Variants in CEP135 observed in about 807,000 individuals in gnomAD.
The protein encoded by CEP135 is centrosomal protein of 135 kDa.
A neutral mutation model predicts 157.3 loss-of-function variants in CEP135; 142 were observed. That is an observed-to-expected ratio of 0.90 (90% CI 0.79 to 1.04). CEP135 has a LOEUF of 1.04. Ranked by LOEUF, CEP135 falls within the 50% of genes least tolerant of loss-of-function variation. CEP135 has a pLI of 0.00. For missense variants in CEP135, 1,317 were observed against 1,309.2 expected (o/e 1.01, Z -0.09); for synonymous variants, 396 against 439.8 (o/e 0.90, Z 1.25).
intron 17 of CEP135, among the ~76,000 whole-genome samples, chr4:56,004,429 T>C (rs945461748): frequency 3.3e-5 from 5 of 152,234 alleles, no homozygotes; most frequent in Non-Finnish European, 7.3e-5. Flanking sequence ...CATATTTGTC[T>C]AGTGTATAGA....
intron 19 of CEP135, among the ~76,000 whole-genome samples, chr4:56,010,317 G>A (rs1252781773): frequency 4.0e-5 from 6 of 148,848 alleles, no homozygotes; most frequent in African/African-American, 1.2e-4. Context: ...AGCCGAGATC[G>A]TGCCACTGCA....
At chr4:55,995,460 A>G (rs961948402) in intron 15 of CEP135, among the ~76,000 whole-genome samples, 2 of 152,156 alleles carry the variant, frequency 1.3e-5, no homozygotes, top group African/African-American at 4.8e-5. Context: ...CTGTGACTGT[A>G]TTATCTCGCT....
At chr4:55,961,317 C>G (rs1408669670) in intron 6 of CEP135, among the ~76,000 whole-genome samples, 2 of 152,078 alleles carry the variant, frequency 1.3e-5, no homozygotes, top group Non-Finnish European at 2.9e-5. Context: ...AGCTTGACTA[C>G]TCTGATTAAA....
At position 56,011,159 on chromosome 4, in the gene CEP135, C is replaced by CA. The variant is rs1322995737; in HGVS notation, c.2506-252dup. ...CTGAAGTGGAAGGATTGCTTGAGCCCAGAAGGTCGAGGCTGCAGTGAGCTG... is the reference window on the plus strand; with the variant it reads ...CTGAAGTGGAAGGATTGCTTGAGCCCAAGAAGGTCGAGGCTGCAGTGAGCTG... On this transcript the variant is annotated intron_variant, in intron 19 of 25. Transcript: ENST00000257287. Among the ~76,000 whole-genome samples, 10 of 152,214 alleles carry CA rather than the reference C, an allele frequency of 6.6e-5. No individual in the cohort carries two copies. The East Asian group carries it at 1.4e-3, about 21-fold the overall frequency.
At chr4:55,968,598 G>A (rs977699768) in intron 8 of CEP135, among the ~76,000 whole-genome samples, 2 of 152,098 alleles carry the variant, frequency 1.3e-5, no homozygotes, top group African/African-American at 4.8e-5. Context: ...GCTAAACACA[G>A]CTTCCCATGT....
At chr4:55,977,969 C>G (rs1729276971) in intron 11 of CEP135, among the ~76,000 whole-genome samples, 1 of 152,170 alleles carries the variant, frequency 6.6e-6, no homozygotes, top group Non-Finnish European at 1.5e-5. Flanking sequence ...GCATAGAATA[C>G]AGAGATGAAG....
In CEP135 at chr4:55,959,667, T is replaced by G. The variant is rs746576951; in HGVS notation, c.615-15T>G. The G allele has an allele frequency of 6.7e-5, 107 of 1,608,952 alleles. No individual in the cohort carries two copies. Among genetic ancestry groups the G allele is most frequent in the Non-Finnish European group, 9.0e-5 (106 of 1,175,550 alleles). The stretch of plus-strand genomic sequence containing the variant: ...TAACAAAAGTGTATTGGCATTAATT[T>G]AAAGTGCTTTTCAGGATTCAAGAAC... On this transcript the variant is annotated splice_polypyrimidine_tract_variant and intron_variant, in intron 5 of 25. Coordinates refer to ENST00000257287, the MANE Select transcript of CEP135 (RefSeq NM_025009.5).
At chr4:56,010,558 G>A (rs552490721) in intron 19 of CEP135, among the ~76,000 whole-genome samples, 1 of 152,124 alleles carries the variant, frequency 6.6e-6, no homozygotes, top group South Asian at 2.1e-4. Flanking sequence ...CCTACCGGGC[G>A]AGGACATCAG....
chr4:55,998,426 C>T (rs189976973), intron 15 of CEP135, among the ~76,000 whole-genome samples: 8 of 152,282 alleles, frequency 5.3e-5, no homozygotes, highest in Admixed American at 1.3e-4. Flanking sequence ...TCATCTTTGT[C>T]GTTAACCATG....
chr4:56,016,351 CTAA>C (rs1191176222), intron 21 of CEP135, among the ~76,000 whole-genome samples: 6 of 152,090 alleles, frequency 3.9e-5, no homozygotes, highest in African/African-American at 1.4e-4. Context: ...CCCTAGGGAA[CTAA>C]TACACTATCT....
intron 17 of CEP135, among the ~76,000 whole-genome samples, chr4:56,002,024 G>C (rs890039030): frequency 3.3e-5 from 5 of 151,912 alleles, no homozygotes; most frequent in Non-Finnish European, 7.4e-5. Context: ...AAATGGAATT[G>C]TTTTGTTGAT....
intron 17 of CEP135, among the ~76,000 whole-genome samples, chr4:56,002,176 A>G (rs13138432): frequency 0.099 from 15,006 of 152,132 alleles, 1,139 homozygotes; most frequent in East Asian, 0.28. Context: ...ATACAAGATC[A>G]TGTGGTCTGC....
chr4:55,975,063 G>C, intron 11 of CEP135, 94 bp downstream of exon 11: 2 of 912,384 alleles, frequency 2.2e-6, no homozygotes, highest in Non-Finnish European at 1.6e-6. Flanking sequence ...ATTCGTACTT[G>C]CTTTGAAAAA....
At chr4:56,012,611 C>T (rs977291706) in intron 21 of CEP135, among the ~76,000 whole-genome samples, 2 of 152,108 alleles carry the variant, frequency 1.3e-5, no homozygotes, top group African/African-American at 2.4e-5. Context: ...CTCTAGATAC[C>T]TCATATAGTG....
intron 10 of CEP135, among the ~76,000 whole-genome samples, chr4:55,973,712 G>A (rs540851797): frequency 2.6e-5 from 4 of 152,090 alleles, no homozygotes; most frequent in South Asian, 2.1e-4. Context: ...GCAGCCACTC[G>A]TTTCTTCTCT....
chr4:56,025,867 A>G (rs1361314505), intron 25 of CEP135, among the ~76,000 whole-genome samples: 3 of 151,934 alleles, frequency 2.0e-5, no homozygotes, highest in Non-Finnish European at 4.4e-5. Context: ...AATTTTTTCA[A>G]TGAACAAATT....
intron 15 of CEP135, among the ~76,000 whole-genome samples, chr4:55,992,472 C>A (rs1322178873): frequency 6.6e-6 from 1 of 152,102 alleles, no homozygotes; most frequent in African/African-American, 2.4e-5. Flanking sequence ...CTCTTTCTTG[C>A]CTCTTTCAGT....
At chr4:56,015,498 G>A (rs1264728023) in intron 21 of CEP135, among the ~76,000 whole-genome samples, 2 of 152,254 alleles carry the variant, frequency 1.3e-5, no homozygotes, top group African/African-American at 4.8e-5. Flanking sequence ...GGGACACAGG[G>A]TGGGGCCCCC....
intron 14 of CEP135, among the ~76,000 whole-genome samples, chr4:55,990,219 A>T (rs1486142396): frequency 1.3e-5 from 2 of 152,180 alleles, no homozygotes. Flanking sequence ...TTGAATACAC[A>T]AACATCAGTT....
Sources: gnomAD v4.1 joint callset for allele counts (sites outside exome capture counted in the v4.1 genomes callset) on GRCh38, gnomAD v4.1.1 for gene constraint, MANE v1.5 for transcripts, NCBI Gene and HGNC (gene_info 2026-07-23, HGNC 2026-07-21) for gene names.